Variants in CADPS observed in about 807,000 individuals in gnomAD.
CADPS encodes the protein calcium dependent secretion activator, also known as calcium-dependent secretion activator 1.
CADPS carries 57 observed loss-of-function variants against 167.3 expected under a neutral mutation model. The observed-to-expected ratio is 0.34, with a 90% CI of 0.28 to 0.42. The LOEUF (loss-of-function observed/expected upper bound fraction) is 0.42. Ranked by LOEUF, CADPS falls within the 20% of genes least tolerant of loss-of-function variation. CADPS has a pLI of 1.00. For synonymous variants in CADPS, 676 were observed against 635.3 expected (o/e 1.06, Z -0.96); for missense variants, 1,414 against 1,738.1 (o/e 0.81, Z 3.32).
intron 3 of CADPS, among the ~76,000 whole-genome samples, chr3:62,748,382 T>G (rs1453354788): frequency 1.8e-5 from 2 of 108,914 alleles, no homozygotes; most frequent in Non-Finnish European, 2.0e-5. Flanking sequence ...AATTAAGATG[T>G]AGACCTTACT....
intron 1 of CADPS, among the ~76,000 whole-genome samples, chr3:62,804,519 T>C (rs2093971165): frequency 6.6e-6 from 1 of 152,156 alleles, no homozygotes; most frequent in South Asian, 2.1e-4. Context: ...TGACCTAGTT[T>C]AGACTCACTA....
chr3:62,678,481 G>A (rs913853270), intron 3 of CADPS, among the ~76,000 whole-genome samples: 5 of 151,788 alleles, frequency 3.3e-5, no homozygotes, highest in Non-Finnish European at 5.9e-5. Context: ...TCTAACATCT[G>A]TGTTTCTCAG....
chr3:62,810,790 C>T (rs2094356695), intron 1 of CADPS, among the ~76,000 whole-genome samples: 1 of 152,218 alleles, frequency 6.6e-6, no homozygotes, highest in Non-Finnish European at 1.5e-5. Context: ...TTTTCCACTC[C>T]CGGTCCACAA....
chr3:62,435,711 T>C (rs1380463208), intron 28 of CADPS, among the ~76,000 whole-genome samples: 3 of 152,196 alleles, frequency 2.0e-5, no homozygotes, highest in African/African-American at 2.4e-5. Context: ...CAGTGAGTGA[T>C]TGTAATAGTT....
intron 1 of CADPS, among the ~76,000 whole-genome samples, chr3:62,861,110 G>C (rs989325973): frequency 1.3e-5 from 2 of 152,072 alleles, no homozygotes; most frequent in Non-Finnish European, 2.9e-5. Flanking sequence ...TGCTTTCTTG[G>C]GGCTAAATTA....
Position 62,514,800 on chromosome 3 carries a change from C to T in CADPS, c.2581+1259G>A, listed in dbSNP as rs9858467. On this transcript the variant is annotated intron_variant, in intron 16 of 29. Transcript: ENST00000383710. The surrounding 1 kb of genome is among the most constrained non-coding windows in gnomAD (Gnocchi z 4.2). ...GGTACCTGGCTGACTTTACCAAATA[C>T]AACCAATCATTACGTCCTGGGACAG... 4.6e-3 allele frequency among the ~76,000 whole-genome samples: 693 copies of T among 152,244 alleles called. 4 individuals carry two copies. Among genetic ancestry groups the T allele is most frequent in the African/African-American group, 0.016 (668 of 41,572 alleles).
At chr3:62,407,240 C>T (rs1708851263) in intron 28 of CADPS, among the ~76,000 whole-genome samples, 1 of 152,070 alleles carries the variant, frequency 6.6e-6, no homozygotes, top group African/African-American at 2.4e-5. Flanking sequence ...GAACACGTTA[C>T]CAGGGAAAGT....
chr3:62,761,448 A>G (rs1477081437), intron 2 of CADPS, among the ~76,000 whole-genome samples: 1 of 152,106 alleles, frequency 6.6e-6, no homozygotes, highest in Non-Finnish European at 1.5e-5. Context: ...AAGCTCAATT[A>G]TAGGAGCTTC....
chr3:62,538,417 A>G (rs2075129874), intron 11 of CADPS, among the ~76,000 whole-genome samples: 1 of 152,080 alleles, frequency 6.6e-6, no homozygotes, highest in Non-Finnish European at 1.5e-5. Context: ...CGCCTTTGAT[A>G]GACTCTGCCC....
chr3:62,871,119 C>T (rs138034142), intron 1 of CADPS, among the ~76,000 whole-genome samples: 1 of 152,034 alleles, frequency 6.6e-6, no homozygotes, highest in Admixed American at 6.5e-5. Context: ...TGTTTAAAGT[C>T]CCCTCTTTAA....
At chr3:62,599,805 A>G (rs1578533539) in intron 6 of CADPS, among the ~76,000 whole-genome samples, 1 of 6,658 alleles carries the variant, frequency 1.5e-4, no homozygotes, top group East Asian at 5.6e-3. Context: ...ATAATATATA[A>G]TAAATAATAT....
intron 28 of CADPS, among the ~76,000 whole-genome samples, chr3:62,430,336 A>G (rs1405666136): frequency 6.6e-6 from 1 of 152,160 alleles, no homozygotes; most frequent in Non-Finnish European, 1.5e-5. Flanking sequence ...GGGGATTGAC[A>G]TTTGAATACT....
chr3:62,612,573 A>T (rs2061650567), intron 6 of CADPS, among the ~76,000 whole-genome samples: 1 of 152,232 alleles, frequency 6.6e-6, no homozygotes, highest in Non-Finnish European at 1.5e-5. Context: ...CAAATAAATT[A>T]ATTGAGTAAG....
At chr3:62,795,081 C>G (rs1282091959) in intron 1 of CADPS, among the ~76,000 whole-genome samples, 1 of 152,112 alleles carries the variant, frequency 6.6e-6, no homozygotes, top group Non-Finnish European at 1.5e-5. Flanking sequence ...GACTCTCCAT[C>G]TCTCTTGACG....
At chr3:62,431,727 T>C (rs2053996366) in intron 28 of CADPS, among the ~76,000 whole-genome samples, 1 of 151,984 alleles carries the variant, frequency 6.6e-6, no homozygotes, top group Non-Finnish European at 1.5e-5. Flanking sequence ...AAACCAGCTG[T>C]AAAGAATATT....
At chr3:62,820,764 T>C (rs966403571) in intron 1 of CADPS, among the ~76,000 whole-genome samples, 1 of 151,326 alleles carries the variant, frequency 6.6e-6, no homozygotes, top group African/African-American at 2.4e-5. Flanking sequence ...ACTAGACAAT[T>C]CCTACTTACT....
At chr3:62,635,425 G>A (rs2149797768) in intron 6 of CADPS, among the ~76,000 whole-genome samples, 1 of 152,176 alleles carries the variant, frequency 6.6e-6, no homozygotes, top group African/African-American at 2.4e-5. Context: ...ATTTACAGAA[G>A]AAGAACATCC....
intron 1 of CADPS, among the ~76,000 whole-genome samples, chr3:62,832,488 C>A (rs1481436243): frequency 6.6e-6 from 1 of 152,180 alleles, no homozygotes; most frequent in East Asian, 1.9e-4. Context: ...CTGCATTAGA[C>A]AGCATAAAAC....
At chr3:62,764,572 T>C (rs190308917) in intron 2 of CADPS, among the ~76,000 whole-genome samples, 101 of 152,312 alleles carry the variant, frequency 6.6e-4, no homozygotes, top group African/African-American at 2.4e-3. Flanking sequence ...CAATCAATAA[T>C]ATTTTCACAA....
Sources: allele counts gnomAD v4.1 joint callset (sites outside exome capture counted in the v4.1 genomes callset), GRCh38; gene constraint gnomAD v4.1.1; non-coding constraint Gnocchi (gnomAD v3.1); transcripts MANE v1.5; gene names NCBI Gene and HGNC (gene_info 2026-07-23, HGNC 2026-07-21).